The following OCLN variants were observed in gnomAD, a reference collection of about 807,000 sequenced individuals.
OCLN encodes the protein phosphatase 1, regulatory subunit 115.
OCLN carries 21 observed loss-of-function variants against 47.9 expected under a neutral mutation model. That is an observed-to-expected ratio of 0.44 (90% CI 0.31 to 0.63). The LOEUF is 0.63. OCLN is among the 30% of genes least tolerant of loss of function. The pLI is 0.08. For synonymous variants in OCLN, 117 were observed against 198.4 expected, an observed-to-expected ratio of 0.59 and a Z score of 3.45; for missense variants, 360 against 571.0, an observed-to-expected ratio of 0.63 and a Z score of 3.77.
At chr5:69,527,499 A>T (rs1437102501) in intron 4 of OCLN, among the ~76,000 whole-genome samples, 1 of 152,074 alleles carries the variant, frequency 6.6e-6, no homozygotes, top group Admixed American at 6.5e-5. Flanking sequence ...GTAAGTTTTT[A>T]TTTTTAATTT....
chr5:69,506,011 G>A (rs1768588873), intron 2 of OCLN, among the ~76,000 whole-genome samples: 2 of 152,200 alleles, frequency 1.3e-5, no homozygotes, highest in Non-Finnish European at 1.5e-5. Context: ...GCAGCCACAA[G>A]CTCAGGTTGT....
chr5:69,527,520 A>G (rs1769316153), intron 4 of OCLN, among the ~76,000 whole-genome samples: 2 of 152,138 alleles, frequency 1.3e-5, no homozygotes, highest in Admixed American at 1.3e-4. Flanking sequence ...TTGTGGGTAC[A>G]TAGTAGGCTT....
intron 4 of OCLN, among the ~76,000 whole-genome samples, chr5:69,515,113 G>A (rs1383791411): frequency 3.3e-5 from 5 of 151,446 alleles, no homozygotes; most frequent in South Asian, 4.2e-4. Flanking sequence ...GGGCAGAGGC[G>A]CCCCTCACCT....
intron 3 of OCLN, among the ~76,000 whole-genome samples, chr5:69,510,477 T>G (rs529161000): frequency 9.3e-4 from 141 of 152,118 alleles, no homozygotes; most frequent in Non-Finnish European, 1.5e-3. Flanking sequence ...GTCAGGAGAT[T>G]GTGACCATCC....
At chr5:69,500,962 ACGCTGGAGTG>A (rs1768443095) in intron 1 of OCLN, among the ~76,000 whole-genome samples, 1 of 151,942 alleles carries the variant, frequency 6.6e-6, no homozygotes, top group Non-Finnish European at 1.5e-5. Flanking sequence ...TCTGTCACCC[ACGCTGGAGTG>A]CAGTGGCACA....
intron 2 of OCLN, among the ~76,000 whole-genome samples, chr5:69,507,378 G>T (rs1408308384): frequency 1.3e-5 from 2 of 151,890 alleles, no homozygotes; most frequent in Admixed American, 6.6e-5. Flanking sequence ...CAGGTGACCC[G>T]CCCACCTCCT....
At chr5:69,520,121 G>A (rs1457161875) in intron 4 of OCLN, among the ~76,000 whole-genome samples, 2 of 152,146 alleles carry the variant, frequency 1.3e-5, no homozygotes, top group Admixed American at 6.5e-5. Flanking sequence ...ACCATGTGCA[G>A]CTACTTTTTG....
intron 4 of OCLN, among the ~76,000 whole-genome samples, chr5:69,528,044 G>A (rs1045232896): frequency 6.6e-6 from 1 of 152,096 alleles, no homozygotes; most frequent in Non-Finnish European, 1.5e-5. Flanking sequence ...CCTGGTCCAC[G>A]ATCTCATTAT....
At position 69,509,699 on chromosome 5, in the gene OCLN, T is replaced by G; in HGVS notation, c.609T>G (p.Ser203=). 6.2e-7 allele frequency: 1 copy of G among 1,614,198 alleles called. No homozygotes were observed. Among genetic ancestry groups the G allele is most frequent in the Non-Finnish European group, 8.5e-7 (1 of 1,180,020 alleles). ...TGGGAGTGAACCCAACTGCTCAGTC[T>G]TCTGGATCTCTATATGGTTCACAAA... ...YIMGVNPTAQ[S]SGSLYGSQIY... Residue 203 remains serine, a synonymous_variant, in exon 3 of 9, where the codon TCT becomes TCG. Transcript: ENST00000396442.
At position 69,499,616 on chromosome 5, in the gene OCLN, C is replaced by T. The variant is rs914585598; in HGVS notation, c.-68-4561C>T. Among the ~76,000 whole-genome samples, 34 of 151,750 alleles carry T rather than the reference C, an allele frequency of 2.2e-4. 1 individual carries two copies. The South Asian group carries it at 2.3e-3, about 10-fold the overall frequency. On this transcript the variant is annotated intron_variant, in intron 1 of 8. Transcript: ENST00000396442. ...TTCTTTTTTTTTTGAGCCGGAGTCT[C>T]GCTCCGTCGCCAGGCTGGAGTGCAG...
intron 2 of OCLN, among the ~76,000 whole-genome samples, chr5:69,504,672 C>T (rs1268620113): frequency 6.6e-6 from 1 of 152,244 alleles, no homozygotes; most frequent in Non-Finnish European, 1.5e-5. Flanking sequence ...TGCGGTGGCT[C>T]ACGCCTGTAA....
chr5:69,511,668 C>T (rs964826331), intron 3 of OCLN, among the ~76,000 whole-genome samples: 1 of 152,122 alleles, frequency 6.6e-6, no homozygotes, highest in Non-Finnish European at 1.5e-5. Flanking sequence ...CTGCCTTGGC[C>T]TTCCAAACCG....
Position 69,509,477 on chromosome 5 carries a change from A to G in OCLN, c.387A>G (p.Gly129=). ...GYGYGYGYGY[G]GYTDPRAAKG... The stretch of plus-strand genomic sequence containing the variant: ...GCTATGGTTATGGCTATGGCTACGG[A>G]GGCTATACAGACCCAAGAGCAGCAA... The change falls in exon 3 of 9, where the codon GGA becomes GGG. Residue 129 remains glycine, a synonymous_variant. Transcript: ENST00000396442. The G allele has an allele frequency of 6.2e-7, 1 of 1,614,140 alleles. No individual in the cohort carries two copies. Among genetic ancestry groups the G allele is most frequent in the South Asian group, 1.1e-5 (1 of 91,078 alleles).
intron 4 of OCLN, among the ~76,000 whole-genome samples, chr5:69,531,224 C>T (rs982628960): frequency 2.6e-5 from 4 of 152,164 alleles, no homozygotes; most frequent in Non-Finnish European, 2.9e-5. Flanking sequence ...AGTGCATAAG[C>T]GATTTGGTGG....
At chr5:69,516,494 A>T (rs1007640368) in intron 4 of OCLN, among the ~76,000 whole-genome samples, 1 of 151,756 alleles carries the variant, frequency 6.6e-6, no homozygotes, top group Admixed American at 6.6e-5. Context: ...GTGGAAAGAG[A>T]GGGAGAGGGA....
intron 4 of OCLN, among the ~76,000 whole-genome samples, chr5:69,533,268 A>G (rs536568771): frequency 6.6e-5 from 10 of 152,094 alleles, no homozygotes; most frequent in Non-Finnish European, 1.3e-4. Context: ...AAATTAATAT[A>G]GAAAATTTAT....
chr5:69,533,120 C>T (rs865777806), intron 4 of OCLN, among the ~76,000 whole-genome samples: 41 of 117,066 alleles, frequency 3.5e-4, no homozygotes, highest in African/African-American at 1.1e-3. Context: ...TATATATATA[C>T]ACACACACAC....
chr5:69,497,071 AC>A (rs1396313034), intron 1 of OCLN, among the ~76,000 whole-genome samples: 1 of 152,170 alleles, frequency 6.6e-6, no homozygotes, highest in Non-Finnish European at 1.5e-5. Flanking sequence ...TTTGAAAGAG[AC>A]CTTAGAAGTC....
At chr5:69,512,014 ACT>A (rs1244184631) in intron 3 of OCLN, among the ~76,000 whole-genome samples, 1 of 117,996 alleles carries the variant, frequency 8.5e-6, no homozygotes, top group Non-Finnish European at 1.7e-5. Context: ...CAAGAGCAAA[ACT>A]CTGTCTCAAA....
Sources: allele counts gnomAD v4.1 joint callset (sites outside exome capture counted in the v4.1 genomes callset), GRCh38; gene constraint gnomAD v4.1.1; transcripts MANE v1.5; gene names NCBI Gene and HGNC (gene_info 2026-07-23, HGNC 2026-07-21).